NEO1: variants seen among roughly 807,000 people sequenced by gnomAD.
NEO1 encodes the protein neogenin 1.
In NEO1, 63 loss-of-function variants were observed where a neutral mutation model predicts 159.7. The ratio of observed to expected loss-of-function variants is 0.39; its 90% CI spans 0.32 to 0.49. NEO1 has a LOEUF of 0.49. Ranked by LOEUF, NEO1 falls within the 20% of genes least tolerant of loss-of-function variation. The pLI, the probability that NEO1 is intolerant of heterozygous loss-of-function variation, is 0.85. For synonymous variants in NEO1, 633 were observed against 662.0 expected, an observed-to-expected ratio of 0.96 and a Z score of 0.67; for missense variants, 1,615 against 1,831.0, an observed-to-expected ratio of 0.88 and a Z score of 2.15.
At chr15:73,264,636 G>T (rs1388811667) in intron 15 of NEO1, among the ~76,000 whole-genome samples, 1 of 152,170 alleles carries the variant, frequency 6.6e-6, no homozygotes, top group Non-Finnish European at 1.5e-5. Flanking sequence ...TTGAGTAAAA[G>T]AAGCAAGTGA....
chr15:73,254,690 G>A lies in NEO1; in HGVS notation c.1953G>A (p.Met651Ile). ...SLEVRNSKSI[M>I]IHWQPPAPAT... Reference sequence around the variant, plus strand: ...AATTCTGTCTTGTGCAGAGTATTATGATTCACTGGCAGCCACCTGCTCCAG... The same window carrying A: ...AATTCTGTCTTGTGCAGAGTATTATAATTCACTGGCAGCCACCTGCTCCAG... The change falls in exon 13 of 29, where the codon ATG becomes ATA. Residue 651 changes from methionine to isoleucine, a missense_variant. Met to Ile is a conservative substitution (Grantham distance 10). Around this residue, in one of 3 missense-constraint regions of NEO1, gnomAD observed 1,018 missense variants for 1,115.4 expected, o/e 0.91. Coordinates refer to ENST00000261908, the MANE Select transcript of NEO1 (RefSeq NM_002499.4). 3.1e-6 allele frequency: 5 copies of A among 1,612,808 alleles called. No homozygotes were observed. Among genetic ancestry groups the A allele is most frequent in the Non-Finnish European group, 4.2e-6 (5 of 1,179,522 alleles).
intron 2 of NEO1, among the ~76,000 whole-genome samples, chr15:73,118,778 C>T (rs62016808): frequency 0.27 from 41,213 of 151,940 alleles, 7,124 homozygotes; most frequent in Middle Eastern, 0.41. Flanking sequence ...AGTGCCCAAG[C>T]TAAGGGATTA....
intron 1 of NEO1, among the ~76,000 whole-genome samples, chr15:73,093,718 C>T (rs1298189929): frequency 2.6e-5 from 4 of 151,924 alleles, no homozygotes; most frequent in Non-Finnish European, 5.9e-5. Context: ...GGACCACAGG[C>T]GTGCACTACC....
chr15:73,209,332 A>G (rs571525736), intron 7 of NEO1, among the ~76,000 whole-genome samples: 6 of 152,336 alleles, frequency 3.9e-5, no homozygotes, highest in South Asian at 2.1e-4. Flanking sequence ...AGCAAATAAT[A>G]TGCAGCTCTT....
chr15:73,117,516 A>G (rs775446769), intron 2 of NEO1, among the ~76,000 whole-genome samples: 2 of 152,138 alleles, frequency 1.3e-5, no homozygotes, highest in South Asian at 2.1e-4. Context: ...ACCAGATGAA[A>G]TAGTTTTTGT....
chr15:73,053,270 G>A (rs1426615516), intron 1 of NEO1, among the ~76,000 whole-genome samples: 6 of 152,198 alleles, frequency 3.9e-5, no homozygotes, highest in Non-Finnish European at 5.9e-5. Flanking sequence ...AGCTTCCGAA[G>A]TCTCGAGGAA....
intron 1 of NEO1, among the ~76,000 whole-genome samples, chr15:73,103,078 AT>A (rs1051818818): frequency 1.3e-5 from 2 of 150,472 alleles, no homozygotes; most frequent in African/African-American, 2.4e-5. Context: ...CATGTCTGCC[AT>A]TTTTTTTTCT....
rs531269302 is a variant in NEO1, at chr15:73,301,172, C to T, written c.4166-149C>T. ...AATGCCCTGCTATCTCCCTCCTTCC[C>T]TCTTATTCCAGTAACTTTTCAGAGC... On this transcript the variant is annotated intron_variant, in intron 27 of 28. Transcript: ENST00000261908. The T allele has an allele frequency of 1.3e-5, 13 of 1,002,046 alleles. No individual in the cohort carries two copies. The South Asian group carries it at 1.8e-4, about 14-fold the overall frequency. The allele number at this position is 1,002,046 out of a possible 1,614,324, so 62.1% of individuals were successfully genotyped here.
intron 7 of NEO1, among the ~76,000 whole-genome samples, chr15:73,210,166 A>G (rs2037477228): frequency 6.6e-6 from 1 of 152,234 alleles, no homozygotes; most frequent in African/African-American, 2.4e-5. Flanking sequence ...GGTGGACACA[A>G]AAGGACTATT....
rs1444401138 is a variant in NEO1 at position 73,206,756 on chromosome 15, A to G, written c.1291+28329A>G. Among the ~76,000 whole-genome samples, 56 of 152,064 alleles carry G rather than the reference A, an allele frequency of 3.7e-4. 3 individuals carry two copies. Among genetic ancestry groups the G allele is most frequent in the Admixed American group, 3.5e-3 (54 of 15,274 alleles). ...TCTATTTTTTTGTTTTCACCAAACC[A>G]CTTTCTATCGTTTAAGAATTCTTCA... On this transcript the variant is annotated intron_variant, in intron 7 of 28. Coordinates refer to ENST00000261908, the MANE Select transcript of NEO1 (RefSeq NM_002499.4).
chr15:73,172,747 A>G (rs956184109), intron 5 of NEO1, among the ~76,000 whole-genome samples: 2 of 152,268 alleles, frequency 1.3e-5, no homozygotes, highest in Admixed American at 6.5e-5. Context: ...GATAAGCACT[A>G]CACTGGGCAG....
chr15:73,236,262 T>C, intron 7 of NEO1, 85 bp from the exon 8 acceptor site: 1 of 1,597,192 alleles, frequency 6.3e-7, no homozygotes, highest in South Asian at 1.1e-5. Context: ...GCCCTTCATA[T>C]TCCCCAATGT....
chr15:73,119,297 A>C (rs1438232593), intron 2 of NEO1, among the ~76,000 whole-genome samples: 1 of 152,230 alleles, frequency 6.6e-6, no homozygotes, highest in Non-Finnish European at 1.5e-5. Context: ...ACCTAAAAAA[A>C]TTCTGCCAAA....
At chr15:73,295,823 C>T (rs1322017600) in intron 26 of NEO1, among the ~76,000 whole-genome samples, 1 of 152,196 alleles carries the variant, frequency 6.6e-6, no homozygotes, top group African/African-American at 2.4e-5. Context: ...TTCACTATGT[C>T]ACCACCACTT....
chr15:73,128,820 T>G (rs1050898974), intron 4 of NEO1, among the ~76,000 whole-genome samples: 1 of 152,204 alleles, frequency 6.6e-6, no homozygotes, highest in African/African-American at 2.4e-5. Flanking sequence ...AAGTTTCATA[T>G]CTTCCTGAAA....
intron 1 of NEO1, among the ~76,000 whole-genome samples, chr15:73,066,381 T>TA (rs2068225290): frequency 6.7e-6 from 1 of 150,370 alleles, no homozygotes; most frequent in Non-Finnish European, 1.5e-5. Context: ...CTCCATCTTG[T>TA]GTTTTTATTC....
In NEO1 at chr15:73,254,923, TACAA is replaced by T. The variant is rs2150962349; in HGVS notation, c.2092+100_2092+103del. 6 of 1,341,418 alleles carry T rather than the reference TACAA, an allele frequency of 4.5e-6. No individual in the cohort carries two copies. The South Asian group carries it at 9.9e-5, about 22-fold the overall frequency. The allele number at this position is 1,341,418 out of a possible 1,614,324, so 83.1% of individuals were successfully genotyped here. Reference sequence around the variant, plus strand: ...ATGACTGCTCTGAACTGTCGACTTATACAAACAAATTTAAAATGGTTCAGAAAAT... The same window carrying T: ...ATGACTGCTCTGAACTGTCGACTTATACAAATTTAAAATGGTTCAGAAAAT... On this transcript the variant is annotated intron_variant, in intron 13 of 28. Coordinates refer to ENST00000261908, the MANE Select transcript of NEO1 (RefSeq NM_002499.4).
chr15:73,177,642 G>T (rs1056061859), intron 6 of NEO1, among the ~76,000 whole-genome samples: 1 of 152,092 alleles, frequency 6.6e-6, no homozygotes, highest in African/African-American at 2.4e-5. Context: ...AAACTCCTGG[G>T]CTTAAGCGAT....
chr15:73,144,280 T>C (rs777377417), intron 5 of NEO1, among the ~76,000 whole-genome samples: 1 of 152,192 alleles, frequency 6.6e-6, no homozygotes, highest in Non-Finnish European at 1.5e-5. Context: ...TTCATTCCCA[T>C]TTTTGACCTT....
Sources: allele counts gnomAD v4.1 joint callset (sites outside exome capture counted in the v4.1 genomes callset), GRCh38; gene constraint gnomAD v4.1.1; regional missense constraint gnomAD v4.1.1; transcripts MANE v1.5; gene names NCBI Gene and HGNC (gene_info 2026-07-23, HGNC 2026-07-21).